KCNH7: variants seen among roughly 807,000 people sequenced by gnomAD.
KCNH7 encodes potassium voltage-gated channel subfamily H member 7.
KCNH7 carries 49 observed loss-of-function variants against 120.8 expected under a neutral mutation model. The observed-to-expected ratio is 0.41, with a 90% confidence interval of 0.32 to 0.51. KCNH7 has a LOEUF of 0.51. Ranked by LOEUF, KCNH7 falls within the 20% of genes least tolerant of loss-of-function variation. The pLI is 0.38. For missense variants in KCNH7, 1,097 were observed against 1,446.6 expected, an observed-to-expected ratio of 0.76 and a Z score of 3.92; for synonymous variants, 547 against 516.1, an observed-to-expected ratio of 1.06 and a Z score of -0.81.
rs138936873 is a variant in KCNH7 at position 162,510,681 on chromosome 2, T to C, written c.913+1973A>G. Among the ~76,000 whole-genome samples, 755 of 151,914 alleles carry C rather than the reference T, an allele frequency of 5.0e-3. 3 individuals carry two copies. Among genetic ancestry groups the C allele is most frequent in the Middle Eastern group, 0.02 (6 of 294 alleles). The stretch of plus-strand genomic sequence containing the variant: ...TGAAATAATTAATTATAATTATGCA[T>C]TTTGTACACAAAGCAGTGTAGAAAC... On this transcript the variant is annotated intron_variant, in intron 5 of 15. Transcript: ENST00000332142.
In KCNH7 at chr2:162,574,970, C is replaced by G. The variant is rs574494922; in HGVS notation, c.308-37890G>C. On this transcript the variant is annotated intron_variant, in intron 2 of 15. Transcript: ENST00000332142. ...AATACTAAATATTGTATGAGCTATC[C>G]TTGGCATATGGTATCAAATGCTAGT... Among the ~76,000 whole-genome samples the G allele has an allele frequency of 4.3e-4, 65 of 152,196 alleles. 1 individual carries two copies. Among genetic ancestry groups the G allele is most frequent in the Admixed American group, 4.0e-3 (61 of 15,280 alleles).
At chr2:162,412,294 T>C (rs1053895130) in intron 9 of KCNH7, among the ~76,000 whole-genome samples, 18 of 152,102 alleles carry the variant, frequency 1.2e-4, no homozygotes, top group Non-Finnish European at 2.4e-4. Flanking sequence ...GATAAAATCT[T>C]ATTGAACTGG....
At chr2:162,814,119 G>A (rs1684831975) in intron 2 of KCNH7, among the ~76,000 whole-genome samples, 1 of 152,124 alleles carries the variant, frequency 6.6e-6, no homozygotes, top group Admixed American at 6.5e-5. Context: ...AAAGGCTGTT[G>A]AAAGAAAAGA....
intron 2 of KCNH7, among the ~76,000 whole-genome samples, chr2:162,769,218 G>C (rs1032111472): frequency 1.3e-5 from 2 of 150,482 alleles, no homozygotes; most frequent in African/African-American, 5.0e-5. Flanking sequence ...GCTCTCTTGC[G>C]GCCTTAAAAC....
At chr2:162,543,875 T>C (rs1692394048) in intron 2 of KCNH7, among the ~76,000 whole-genome samples, 1 of 152,154 alleles carries the variant, frequency 6.6e-6, no homozygotes, top group Admixed American at 6.5e-5. Context: ...TAAGTGAGTG[T>C]TAGTATTATC....
At chr2:162,494,534 GT>G (rs1690429845) in intron 6 of KCNH7, among the ~76,000 whole-genome samples, 1 of 152,078 alleles carries the variant, frequency 6.6e-6, no homozygotes, top group African/African-American at 2.4e-5. Context: ...TTCCAAAATT[GT>G]ATGGGATGTC....
At chr2:162,486,382 C>A (rs1690095361) in intron 6 of KCNH7, among the ~76,000 whole-genome samples, 1 of 152,164 alleles carries the variant, frequency 6.6e-6, no homozygotes, top group African/African-American at 2.4e-5. Flanking sequence ...CATTACTCTG[C>A]AGCCCACATT....
chr2:162,493,938 C>T (rs1346108544), intron 6 of KCNH7, among the ~76,000 whole-genome samples: 1 of 152,010 alleles, frequency 6.6e-6, no homozygotes, highest in African/African-American at 2.4e-5. Flanking sequence ...AACATATTGA[C>T]CAACTTCAAA....
chr2:162,741,767 A>G (rs1003132681), intron 2 of KCNH7, among the ~76,000 whole-genome samples: 1 of 152,170 alleles, frequency 6.6e-6, no homozygotes, highest in Non-Finnish European at 1.5e-5. Flanking sequence ...ACTTTCCTAC[A>G]TCATTAGAAC....
intron 2 of KCNH7, among the ~76,000 whole-genome samples, chr2:162,542,735 G>A (rs896798590): frequency 6.6e-6 from 1 of 151,932 alleles, no homozygotes; most frequent in African/African-American, 2.4e-5. Flanking sequence ...CTTTATAGCA[G>A]CATGACTTAT....
At chr2:162,764,635 C>T (rs960779898) in intron 2 of KCNH7, among the ~76,000 whole-genome samples, 26 of 152,078 alleles carry the variant, frequency 1.7e-4, no homozygotes, top group Admixed American at 1.3e-3. Context: ...AAAGCCAGAT[C>T]GAAACTGACA....
chr2:162,496,507 G>A (rs1690504803), intron 6 of KCNH7, among the ~76,000 whole-genome samples: 2 of 152,034 alleles, frequency 1.3e-5, no homozygotes, highest in South Asian at 4.1e-4. Flanking sequence ...ACTGAGAAGG[G>A]GGGAAACTGG....
In KCNH7 at chr2:162,715,003, G is replaced by A. The variant is rs137880924; in HGVS notation, c.307+121534C>T. Among the ~76,000 whole-genome samples the A allele has an allele frequency of 9.9e-4, 150 of 152,230 alleles. 1 individual carries two copies. The highest frequency in any genetic ancestry group is 3.4e-3 in the African/African-American group (143 of 41,528). ...AATAATGAGAATATCATGCTAATAT[G>A]AGAGTAACAAAATGTGTAAAATGTA... On this transcript the variant is annotated intron_variant, in intron 2 of 15. Transcript: ENST00000332142.
chr2:162,767,822 A>G (rs1159920100), intron 2 of KCNH7, among the ~76,000 whole-genome samples: 1 of 152,138 alleles, frequency 6.6e-6, no homozygotes, highest in East Asian at 1.9e-4. Context: ...TTAGTTTTTA[A>G]TTCAGGATTT....
chr2:162,748,157 G>A (rs546073149), intron 2 of KCNH7, among the ~76,000 whole-genome samples: 5 of 152,236 alleles, frequency 3.3e-5, no homozygotes, highest in Non-Finnish European at 1.5e-5. Flanking sequence ...AATACTCTTG[G>A]GACCTCATTA....
chr2:162,820,311 G>A (rs112989138), intron 2 of KCNH7, among the ~76,000 whole-genome samples: 3,810 of 149,512 alleles, frequency 0.025, 158 homozygotes, highest in African/African-American at 0.088. Context: ...TCCTGACCTC[G>A]TGATCCGCCT....
chr2:162,451,936 G>A (rs1688785649), intron 6 of KCNH7, among the ~76,000 whole-genome samples: 1 of 151,986 alleles, frequency 6.6e-6, no homozygotes, highest in Non-Finnish European at 1.5e-5. Flanking sequence ...CTCTTGACAG[G>A]GAAATGATAT....
At chr2:162,786,407 C>A (rs1248409734) in intron 2 of KCNH7, among the ~76,000 whole-genome samples, 1 of 152,138 alleles carries the variant, frequency 6.6e-6, no homozygotes, top group South Asian at 2.1e-4. Flanking sequence ...AGAACATGCA[C>A]AGAGGTAAGC....
chr2:162,781,124 G>T (rs1053451177), intron 2 of KCNH7, among the ~76,000 whole-genome samples: 3 of 151,960 alleles, frequency 2.0e-5, no homozygotes, highest in Non-Finnish European at 4.4e-5. Flanking sequence ...GAGGTTTGAA[G>T]TATTATATAC....
Sources: gnomAD v4.1 joint callset for allele counts (sites outside exome capture counted in the v4.1 genomes callset) on GRCh38, gnomAD v4.1.1 for gene constraint, MANE v1.5 for transcripts, NCBI Gene and HGNC (gene_info 2026-07-23, HGNC 2026-07-21) for gene names.